SMARCAL1: variants seen among roughly 807,000 people sequenced by gnomAD.
SMARCAL1 encodes SNF2 related chromatin remodeling annealing helicase 1, also known as ATP-driven annealing helicase.
A neutral mutation model predicts 94.5 loss-of-function variants in SMARCAL1; 58 were observed. That is an observed-to-expected ratio of 0.61 (90% confidence interval 0.50 to 0.76). The LOEUF is 0.76. Among genes scored for constraint, SMARCAL1 ranks in the 30% least tolerant of loss-of-function variants. The pLI, the probability that SMARCAL1 is intolerant of heterozygous loss-of-function variation, is 0.00. For missense variants in SMARCAL1, 1,051 were observed against 1,177.9 expected (o/e 0.89, Z 1.58); for synonymous variants, 422 against 455.1 (o/e 0.93, Z 0.93).
chr2:216,440,574 G>GT (rs1227065209), intron 10 of SMARCAL1, among the ~76,000 whole-genome samples: 2 of 152,174 alleles, frequency 1.3e-5, no homozygotes, highest in African/African-American at 4.8e-5. Flanking sequence ...AACATGGCCT[G>GT]TGTTTATGAA....
intron 12 of SMARCAL1, among the ~76,000 whole-genome samples, chr2:216,457,857 G>A (rs575917761): frequency 2.6e-5 from 4 of 152,098 alleles, no homozygotes; most frequent in Non-Finnish European, 4.4e-5. Context: ...GAAGGAGATA[G>A]AGACACAAAA....
chr2:216,465,881 A>T (rs1226052315), intron 13 of SMARCAL1, among the ~76,000 whole-genome samples: 6 of 152,092 alleles, frequency 3.9e-5, no homozygotes, highest in Non-Finnish European at 8.8e-5. Flanking sequence ...CACACCCTCC[A>T]CTGTGGCAAG....
chr2:216,448,807 G>T (rs2106052368), intron 11 of SMARCAL1, among the ~76,000 whole-genome samples: 1 of 151,902 alleles, frequency 6.6e-6, no homozygotes, highest in Admixed American at 6.6e-5. Context: ...ACTCCAGCCT[G>T]GGCGACAGAG....
chr2:216,452,543 T>A (rs573715724), intron 12 of SMARCAL1, among the ~76,000 whole-genome samples: 2 of 151,592 alleles, frequency 1.3e-5, no homozygotes, highest in Non-Finnish European at 2.9e-5. Flanking sequence ...AGTAAGTCTG[T>A]TAGTGTTTCG....
chr2:216,467,850 C>A, intron 13 of SMARCAL1, 94 bp from the exon 14 acceptor site: 2 of 812,696 alleles, frequency 2.5e-6, no homozygotes, highest in Non-Finnish European at 4.3e-6. Flanking sequence ...CTTCTATGAT[C>A]CCAGATAATA....
Position 216,415,341 on chromosome 2 carries a change from A to T in SMARCAL1, c.637A>T (p.Ser213Cys). 6.2e-7 allele frequency: 1 copy of T among 1,614,212 alleles called. No individual in the cohort carries two copies. ...TTCTTACATCCATTCTAGCTCAGAG[A>T]GTGTAACGCCCAGGACAGAAGGAAG... ...NISYIHSSSE[S>C]VTPRTEGRLQ... is the part of the protein sequence containing the mutation. Residue 213 changes from serine (S) to cysteine (C), a missense_variant, in exon 3 of 18, where the codon AGT (serine) becomes TGT (cysteine). By Grantham distance (112) the Ser-to-Cys change is moderately radical. Transcript: ENST00000357276.
At chr2:216,428,883 C>T (rs1051409106) in intron 7 of SMARCAL1, 101 bp downstream of exon 7, 36 of 1,103,876 alleles carry the variant, frequency 3.3e-5, no homozygotes, top group Non-Finnish European at 4.7e-5. Flanking sequence ...TTTTATTTAC[C>T]ATGGATAGAT....
intron 5 of SMARCAL1, among the ~76,000 whole-genome samples, chr2:216,422,524 C>T (rs1383058022): frequency 2.0e-5 from 3 of 152,166 alleles, no homozygotes; most frequent in African/African-American, 7.2e-5. Flanking sequence ...GGTTCCTTTG[C>T]CTTAGCTGTT....
At chr2:216,428,820 C>T in intron 7 of SMARCAL1, 38 bp downstream of exon 7, 2 of 1,564,502 alleles carry the variant, frequency 1.3e-6, no homozygotes, top group Non-Finnish European at 1.8e-6. Flanking sequence ...CTCTGTTGCT[C>T]AAATTTCATT....
intron 7 of SMARCAL1, among the ~76,000 whole-genome samples, chr2:216,431,575 G>T (rs561962002): frequency 4.6e-5 from 7 of 152,302 alleles, no homozygotes; most frequent in African/African-American, 1.7e-4. Flanking sequence ...ACTGTTTTCA[G>T]TATTAGCTTT....
chr2:216,450,240 A>G (rs1218071218), intron 11 of SMARCAL1, among the ~76,000 whole-genome samples: 1 of 152,196 alleles, frequency 6.6e-6, no homozygotes, highest in Non-Finnish European at 1.5e-5. Flanking sequence ...ATGTTTATGA[A>G]GGACTGCCTA....
chr2:216,420,425 T>C lies in SMARCAL1; in HGVS notation c.989T>C (p.Phe330Ser). ...AGLPSAPSLSFVKGRCMLISR... is the reference protein window; with the variant it reads ...AGLPSAPSLSSVKGRCMLISR... ...CTTCCATCAGCTCCATCCCTTTCAT[T>C]TGTCAAAGGGCGATGCATGCTCATC... The change falls in exon 5 of 18, where the codon TTT becomes TCT. Residue 330 changes from phenylalanine to serine, a missense_variant. By Grantham distance (155) the Phe-to-Ser change is radical (BLOSUM62 -2). Around this residue, in one of 3 missense-constraint regions of SMARCAL1, gnomAD observed 398 missense variants for 395.2 expected, o/e 1.01. Transcript: ENST00000357276. 1.9e-6 allele frequency: 3 copies of C among 1,614,100 alleles called. No homozygotes were observed. The highest frequency in any genetic ancestry group is 2.5e-6 in the Non-Finnish European group (3 of 1,179,994).
intron 10 of SMARCAL1, among the ~76,000 whole-genome samples, chr2:216,442,049 G>A (rs1694207895): frequency 6.6e-6 from 1 of 152,122 alleles, no homozygotes; most frequent in African/African-American, 2.4e-5. Flanking sequence ...TGATTGGCTG[G>A]ATGAGATAGT....
In SMARCAL1 at chr2:216,448,745, T is replaced by C. The variant is rs284553; in HGVS notation, c.1851+1587T>C. ...TACTCTGCAGGCTGAGGCACGAGAA[T>C]CGCTTCAACCCAGGAGGCAGAGGTT... On this transcript the variant is annotated intron_variant, in intron 11 of 17. Coordinates refer to ENST00000357276, the MANE Select transcript of SMARCAL1 (RefSeq NM_014140.4). 5.3e-3 allele frequency among the ~76,000 whole-genome samples: 811 copies of C among 151,834 alleles called. 5 individuals are homozygous for C. Among genetic ancestry groups the C allele is most frequent in the African/African-American group, 0.018 (751 of 41,364 alleles).
In SMARCAL1 at chr2:216,480,238, G is replaced by A. The variant is rs116958801; in HGVS notation, c.2625+1939G>A. Among the ~76,000 whole-genome samples the A allele has an allele frequency of 3.3e-5, 5 of 152,034 alleles. No individual in the cohort carries two copies. The East Asian group carries it at 9.7e-4, about 29-fold the overall frequency. On this transcript the variant is annotated intron_variant, in intron 17 of 17. Transcript: ENST00000357276. ...ATCAATTTATTTTTTAATTAAGATG[G>A]GGCTGAAAATTTTATCAACTACTAG...
chr2:216,423,778 C>T, intron 6 of SMARCAL1, 95 bp downstream of exon 6: 2 of 1,148,008 alleles, frequency 1.7e-6, no homozygotes, highest in Middle Eastern at 2.0e-4. Flanking sequence ...TCTTCTCCTC[C>T]CTTTGCTGTG....
rs1181220687 is a variant in SMARCAL1, at chr2:216,416,317, C to A, written c.862+10C>A. On this transcript the variant is annotated intron_variant, in intron 4 of 17. Transcript: ENST00000357276. Reference sequence around the variant, plus strand: ...GACTATAGTGCCCTGAGTAAGTAGACACATGGTTGTCTCATGGAGGGTGGC... The same window carrying A: ...GACTATAGTGCCCTGAGTAAGTAGAAACATGGTTGTCTCATGGAGGGTGGC... 3.1e-6 allele frequency: 5 copies of A among 1,610,038 alleles called. No individual in the cohort carries two copies. The highest frequency in any genetic ancestry group is 3.3e-5 in the Admixed American group (2 of 59,972).
intron 6 of SMARCAL1, among the ~76,000 whole-genome samples, 188 bp from the exon 7 acceptor site, chr2:216,428,408 T>C (rs1693886945): frequency 1.3e-5 from 2 of 152,234 alleles, no homozygotes; most frequent in Non-Finnish European, 2.9e-5. Flanking sequence ...CATTTCCATG[T>C]AGATCCCAAG....
At chr2:216,473,763 A>C (rs1264589131) in intron 14 of SMARCAL1, among the ~76,000 whole-genome samples, 2 of 152,226 alleles carry the variant, frequency 1.3e-5, no homozygotes, top group African/African-American at 4.8e-5. Context: ...ACTAGCAAGA[A>C]TAAATAAATG....
Sources: allele counts gnomAD v4.1 joint callset (sites outside exome capture counted in the v4.1 genomes callset), GRCh38; gene constraint gnomAD v4.1.1; regional missense constraint gnomAD v4.1.1; transcripts MANE v1.5; gene names NCBI Gene and HGNC (gene_info 2026-07-23, HGNC 2026-07-21).